The following DENND4C variants were observed in gnomAD, a reference collection of about 807,000 sequenced individuals.
DENND4C encodes the protein DENN domain-containing protein 4C.
A neutral mutation model predicts 203.0 loss-of-function variants in DENND4C; 108 were observed. The observed-to-expected ratio is 0.53, with a 90% CI of 0.46 to 0.62. The LOEUF is 0.62. DENND4C is among the 20% of genes least tolerant of loss of function. The pLI, the probability that DENND4C is intolerant of heterozygous loss-of-function variation, is 0.00. For synonymous variants in DENND4C, 871 were observed against 792.4 expected (o/e 1.10, Z -1.67); for missense variants, 2,481 against 2,301.2 (o/e 1.08, Z -1.60).
At chr9:19,302,981 T>A (rs1248099886) in intron 9 of DENND4C, among the ~76,000 whole-genome samples, 2 of 151,542 alleles carry the variant, frequency 1.3e-5, no homozygotes, top group Admixed American at 1.3e-4. Context: ...TAATGTCCTT[T>A]ACTTGGCTTT....
intron 30 of DENND4C, among the ~76,000 whole-genome samples, chr9:19,367,828 G>T (rs4404993): frequency 0.15 from 23,244 of 152,232 alleles, 2,193 homozygotes; most frequent in Non-Finnish European, 0.2. Flanking sequence ...AAACAATGAA[G>T]TACTGATATA....
intron 24 of DENND4C, among the ~76,000 whole-genome samples, chr9:19,351,565 C>A (rs936217265): frequency 6.6e-6 from 1 of 151,962 alleles, no homozygotes; most frequent in South Asian, 2.1e-4. Flanking sequence ...CCTAGCACTT[C>A]GGGAGGCAAG....
chr9:19,243,304 ATGT>A (rs1824241048), intron 1 of DENND4C, among the ~76,000 whole-genome samples: 1 of 152,182 alleles, frequency 6.6e-6, no homozygotes, highest in Non-Finnish European at 1.5e-5. Flanking sequence ...AGGTTCACCT[ATGT>A]TGTAGTATGT....
chr9:19,303,209 C>T (rs980052693), intron 9 of DENND4C, among the ~76,000 whole-genome samples: 3 of 152,180 alleles, frequency 2.0e-5, no homozygotes, highest in Admixed American at 1.3e-4. Flanking sequence ...TGTTGGTGCT[C>T]AAAAAGTGTT....
intron 9 of DENND4C, among the ~76,000 whole-genome samples, chr9:19,303,853 A>T (rs60754025): frequency 0.021 from 3,212 of 151,398 alleles, 123 homozygotes; most frequent in African/African-American, 0.073. Flanking sequence ...TAATTATTAA[A>T]TTTTTTTTTG....
chr9:19,261,811 G>GT (rs1467681842), intron 1 of DENND4C, among the ~76,000 whole-genome samples: 7 of 151,580 alleles, frequency 4.6e-5, no homozygotes, highest in African/African-American at 9.7e-5. Flanking sequence ...GTCTCTTTCC[G>GT]TTTTTTGTGT....
intron 1 of DENND4C, among the ~76,000 whole-genome samples, chr9:19,238,245 G>C (rs1235475849): frequency 1.3e-5 from 2 of 151,322 alleles, no homozygotes; most frequent in African/African-American, 2.4e-5. Flanking sequence ...ACCATGCCCG[G>C]CTAATATTGT....
At chr9:19,247,360 G>C (rs1164288418) in intron 1 of DENND4C, among the ~76,000 whole-genome samples, 2 of 152,150 alleles carry the variant, frequency 1.3e-5, no homozygotes, top group Admixed American at 1.3e-4. Context: ...GCCTTGACAT[G>C]CCTTGACATC....
intron 1 of DENND4C, among the ~76,000 whole-genome samples, chr9:19,255,284 A>T (rs1363494706): frequency 6.6e-6 from 1 of 152,134 alleles, no homozygotes; most frequent in African/African-American, 2.4e-5. Context: ...GCGTGCCTGT[A>T]GTCCCAGCTA....
At chr9:19,362,795 T>G (rs1826781377) in intron 30 of DENND4C, among the ~76,000 whole-genome samples, 2 of 152,230 alleles carry the variant, frequency 1.3e-5, no homozygotes, top group Admixed American at 1.3e-4. Flanking sequence ...GCTTCATTTT[T>G]AATCTTTTAG....
At chr9:19,248,360 T>G (rs1324524698) in intron 1 of DENND4C, among the ~76,000 whole-genome samples, 1 of 152,100 alleles carries the variant, frequency 6.6e-6, no homozygotes, top group East Asian at 1.9e-4. Context: ...TGCTCCTTCA[T>G]GCCACTTAGG....
chr9:19,350,604 AG>A lies in DENND4C; in HGVS notation c.4318-96del, dbSNP rs1823873335. 1.5e-5 allele frequency: 15 copies of A among 987,632 alleles called. 1 individual carries two copies. Among genetic ancestry groups the A allele is most frequent in the Middle Eastern group, 3.2e-4 (1 of 3,096 alleles). The allele number at this position is 987,632 out of a possible 1,614,324, so 61.2% of individuals were successfully genotyped here. A position where few individuals can be genotyped will look rare whatever the true frequency, so the allele number is the denominator to read the frequency against. On this transcript the variant is annotated intron_variant, in intron 23 of 32. Transcript: ENST00000434457. Reference sequence around the variant, plus strand: ...AAATGTGGGGATGATGATTTGTTTAAGGATTATAGAGTTTAATTTTGAAAAG... The same window carrying A: ...AAATGTGGGGATGATGATTTGTTTAAGATTATAGAGTTTAATTTTGAAAAG...
chr9:19,340,272 A>G (rs1040855409), intron 20 of DENND4C, among the ~76,000 whole-genome samples: 1 of 152,192 alleles, frequency 6.6e-6, no homozygotes. Context: ...TTCTCTGTCA[A>G]AAACAAACCT....
At chr9:19,359,615 G>T (rs370947078) in intron 28 of DENND4C, among the ~76,000 whole-genome samples, 20 of 151,708 alleles carry the variant, frequency 1.3e-4, no homozygotes, top group East Asian at 5.8e-4. Context: ...GAAACTGTGG[G>T]TCCCTTTAGA....
intron 23 of DENND4C, among the ~76,000 whole-genome samples, chr9:19,348,616 A>C (rs1043976506): frequency 5.3e-5 from 8 of 152,192 alleles, no homozygotes; most frequent in Non-Finnish European, 5.9e-5. Flanking sequence ...TAGACGTATA[A>C]GACTTTTATA....
At position 19,307,393 on chromosome 9, in the gene DENND4C, C is replaced by CAAA. The variant is rs753710246; in HGVS notation, c.1487+1884_1487+1886dup. Reference sequence around the variant, plus strand: ...TGGGTAACAGAGCAAGACTCTGTCTCAAAAAAAAAAAAAAAAAAAAGAAGA... The same window carrying CAAA: ...TGGGTAACAGAGCAAGACTCTGTCTCAAAAAAAAAAAAAAAAAAAAAAAGAAGA... On this transcript the variant is annotated intron_variant, in intron 10 of 32. Coordinates refer to ENST00000434457, the MANE Select transcript of DENND4C (RefSeq NM_001330640.2). Among the ~76,000 whole-genome samples, 92 of 58,076 alleles carry CAAA rather than the reference C, an allele frequency of 1.6e-3. 1 individual carries two copies. The highest frequency in any genetic ancestry group is 3.2e-3 in the African/African-American group (53 of 16,632). The allele number at this position is 58,076 out of a possible 152,430, so 38.1% of individuals were successfully genotyped here.
In DENND4C at chr9:19,352,145, C is replaced by G. The variant is rs1356822237; in HGVS notation, c.4568C>G (p.Thr1523Ser). The change falls in exon 25 of 33, where the codon ACC (threonine) becomes AGC (serine). Residue 1523 changes from threonine to serine, a missense_variant. By Grantham distance (58) the Thr-to-Ser change is moderately conservative. Transcript: ENST00000434457. ...TCAGATCATGGTTCTTCTCAAAATA[C>G]CAGCATGTCTAGCATCTATCAGAAT... is the stretch of plus-strand genomic sequence containing the variant. ...EKSDHGSSQNTSMSSIYQNCA... is the reference protein window; with the variant it reads ...EKSDHGSSQNSSMSSIYQNCA... 6.2e-7 allele frequency: 1 copy of G among 1,613,878 alleles called. No individual in the cohort carries two copies. The highest frequency in any genetic ancestry group is 1.7e-5 in the Admixed American group (1 of 60,028).
chr9:19,233,665 A>G (rs1413722580), intron 1 of DENND4C, among the ~76,000 whole-genome samples: 2 of 95,690 alleles, frequency 2.1e-5, no homozygotes, highest in Non-Finnish European at 4.3e-5. Flanking sequence ...GATTGAAGCG[A>G]TTCTCCTGCC....
At chr9:19,347,911 C>T (rs993197368) in intron 23 of DENND4C, among the ~76,000 whole-genome samples, 1 of 151,940 alleles carries the variant, frequency 6.6e-6, no homozygotes, top group Non-Finnish European at 1.5e-5. Context: ...TTTAAAAAAA[C>T]GTTATACATA....
Sources: gnomAD v4.1 joint callset for allele counts (sites outside exome capture counted in the v4.1 genomes callset) on GRCh38, gnomAD v4.1.1 for gene constraint, MANE v1.5 for transcripts, NCBI Gene and HGNC (gene_info 2026-07-23, HGNC 2026-07-21) for gene names.